The following FSTL5 variants were observed in gnomAD, a reference collection of about 807,000 sequenced individuals.
FSTL5 encodes the protein follistatin-related protein 5.
FSTL5 carries 62 observed loss-of-function variants against 89.1 expected under a neutral mutation model. That is an observed-to-expected ratio of 0.70 (90% confidence interval 0.57 to 0.86). The LOEUF is 0.86. Ranked by LOEUF, FSTL5 falls within the 40% of genes least tolerant of loss-of-function variation. The pLI is 0.00. For missense variants in FSTL5, 1,057 were observed against 1,001.6 expected (o/e 1.06, Z -0.75); for synonymous variants, 383 against 346.2 (o/e 1.11, Z -1.18).
intron 4 of FSTL5, among the ~76,000 whole-genome samples, chr4:161,882,835 G>A (rs923382127): frequency 2.6e-5 from 4 of 152,044 alleles, no homozygotes; most frequent in African/African-American, 9.7e-5. Flanking sequence ...CCCTTACATA[G>A]TAGAGCAAGC....
intron 3 of FSTL5, among the ~76,000 whole-genome samples, chr4:161,939,673 C>A (rs1734524800): frequency 6.6e-6 from 1 of 151,926 alleles, no homozygotes; most frequent in African/African-American, 2.4e-5. Context: ...ATTACCAATT[C>A]AGACAATTTA....
At chr4:161,807,247 G>C (rs1335504688) in intron 4 of FSTL5, among the ~76,000 whole-genome samples, 1 of 142,200 alleles carries the variant, frequency 7.0e-6, no homozygotes. Context: ...TTGTAGAGAT[G>C]CAGAGATGGG....
intron 3 of FSTL5, among the ~76,000 whole-genome samples, chr4:161,929,244 C>CTT (rs58570212): frequency 0.54 from 77,773 of 145,006 alleles, 20,969 homozygotes; most frequent in Middle Eastern, 0.65. Context: ...ATTAGCTTTG[C>CTT]TTTTTTTTTT....
chr4:161,434,825 G>A (rs1732497214), intron 15 of FSTL5, among the ~76,000 whole-genome samples: 1 of 151,946 alleles, frequency 6.6e-6, no homozygotes, highest in African/African-American at 2.4e-5. Flanking sequence ...AGTATAACAG[G>A]TGCTAACACT....
intron 6 of FSTL5, among the ~76,000 whole-genome samples, chr4:161,662,827 C>T (rs902606404): frequency 1.6e-4 from 25 of 152,226 alleles, no homozygotes; most frequent in Admixed American, 1.2e-3. Context: ...TCCATTTTCA[C>T]GCTGATGATA....
At chr4:161,494,484 A>G (rs1490808242) in intron 12 of FSTL5, among the ~76,000 whole-genome samples, 1 of 152,214 alleles carries the variant, frequency 6.6e-6, no homozygotes, top group African/African-American at 2.4e-5. Context: ...ATAAAGGACA[A>G]CAACAGCAGA....
At chr4:161,909,858 C>T (rs970391307) in intron 4 of FSTL5, among the ~76,000 whole-genome samples, 3 of 152,100 alleles carry the variant, frequency 2.0e-5, no homozygotes, top group Admixed American at 6.6e-5. Flanking sequence ...TCTATGTTTC[C>T]TTATTCCCAT....
intron 3 of FSTL5, among the ~76,000 whole-genome samples, chr4:161,971,426 T>C (rs1560944419): frequency 1.3e-5 from 2 of 152,124 alleles, no homozygotes; most frequent in African/African-American, 4.8e-5. Flanking sequence ...AATATAAGAT[T>C]AATTCCTTAT....
chr4:161,782,462 C>T (rs954341836), intron 4 of FSTL5, among the ~76,000 whole-genome samples: 2 of 152,106 alleles, frequency 1.3e-5, no homozygotes, highest in Admixed American at 6.5e-5. Flanking sequence ...GTAGTTCCTT[C>T]TGTTTTAGAG....
chr4:161,460,411 C>T lies in FSTL5; in HGVS notation c.1609-1092G>A, dbSNP rs915940853. Among the ~76,000 whole-genome samples, 5 of 90,922 alleles carry T rather than the reference C, an allele frequency of 5.5e-5. 1 individual carries two copies. Among genetic ancestry groups the T allele is most frequent in the African/African-American group, 9.6e-5 (3 of 31,214 alleles). The allele number at this position is 90,922 out of a possible 152,430, so 59.6% of individuals were successfully genotyped here. On this transcript the variant is annotated intron_variant, in intron 13 of 15. Transcript: ENST00000306100. ...CCCTCCCCCCACCTCACAACAGGCC[C>T]GGGTGTGTGATGTTCCCCACCCCGT...
chr4:161,868,160 T>C (rs926004291), intron 4 of FSTL5, among the ~76,000 whole-genome samples: 4 of 152,172 alleles, frequency 2.6e-5, no homozygotes, highest in African/African-American at 9.6e-5. Context: ...TTTTTAAAAT[T>C]AGGGAAATAA....
intron 12 of FSTL5, among the ~76,000 whole-genome samples, chr4:161,481,798 A>G (rs1027447044): frequency 6.6e-6 from 1 of 152,092 alleles, no homozygotes; most frequent in Non-Finnish European, 1.5e-5. Flanking sequence ...AAGACTGCAT[A>G]CTTTGTGTTA....
intron 2 of FSTL5, among the ~76,000 whole-genome samples, chr4:162,102,016 A>G (rs1731014815): frequency 6.6e-6 from 1 of 152,142 alleles, no homozygotes; most frequent in Non-Finnish European, 1.5e-5. Context: ...GGCCTCTTGA[A>G]AACAACCACA....
At chr4:161,796,473 A>G (rs554610846) in intron 4 of FSTL5, among the ~76,000 whole-genome samples, 103 of 151,906 alleles carry the variant, frequency 6.8e-4, no homozygotes, top group Middle Eastern at 3.4e-3. Context: ...AAATTGTGTT[A>G]TCTTAATCCT....
intron 13 of FSTL5, among the ~76,000 whole-genome samples, chr4:161,475,186 G>A (rs1425829339): frequency 1.3e-5 from 2 of 151,878 alleles, no homozygotes; most frequent in Non-Finnish European, 2.9e-5. Context: ...TCTTTCTTTG[G>A]CTTTGGCTTT....
chr4:161,852,009 G>A (rs1249649270), intron 4 of FSTL5, among the ~76,000 whole-genome samples: 2 of 151,788 alleles, frequency 1.3e-5, no homozygotes, highest in African/African-American at 4.8e-5. Context: ...GCTTTTGTAA[G>A]TCATAGCATT....
At position 161,692,315 on chromosome 4, in the gene FSTL5, T is replaced by C. The variant is rs185228061; in HGVS notation, c.728-35821A>G. 2.8e-3 allele frequency among the ~76,000 whole-genome samples: 418 copies of C among 148,936 alleles called. 2 individuals are homozygous for C. The highest frequency in any genetic ancestry group is 3.0e-3 in the Admixed American group (44 of 14,594). On this transcript the variant is annotated intron_variant, in intron 6 of 15. Transcript: ENST00000306100. The stretch of plus-strand genomic sequence containing the variant: ...TGTGTTGAATTTTATCAAATGCTTT[T>C]TCCACGTCTACTGAGATATGGAGAT...
intron 13 of FSTL5, among the ~76,000 whole-genome samples, chr4:161,467,728 T>C (rs1180021770): frequency 2.0e-5 from 3 of 152,092 alleles, no homozygotes; most frequent in Non-Finnish European, 2.9e-5. Flanking sequence ...AAGACAAATA[T>C]AAGGGTGTGT....
At chr4:161,757,358 C>A (rs998156925) in intron 6 of FSTL5, among the ~76,000 whole-genome samples, 3 of 149,592 alleles carry the variant, frequency 2.0e-5, no homozygotes, top group Non-Finnish European at 3.0e-5. Flanking sequence ...TCATTCATAC[C>A]GACATATGCA....
Sources: gnomAD v4.1 joint callset for allele counts (sites outside exome capture counted in the v4.1 genomes callset) on GRCh38, gnomAD v4.1.1 for gene constraint, MANE v1.5 for transcripts, NCBI Gene and HGNC (gene_info 2026-07-23, HGNC 2026-07-21) for gene names.